SNX24: variants seen among roughly 807,000 people sequenced by gnomAD.
SNX24 encodes sorting nexin-24.
In SNX24, 22 loss-of-function variants were observed where a neutral mutation model predicts 28.7. The observed-to-expected ratio is 0.77, with a 90% CI of 0.55 to 1.10. The LOEUF (loss-of-function observed/expected upper bound fraction) is 1.10. Among genes scored for constraint, SNX24 ranks in the 50% least tolerant of loss-of-function variants. The pLI is 0.00. For synonymous variants in SNX24, 69 were observed against 71.5 expected (o/e 0.96, Z 0.18); for missense variants, 221 against 201.1 (o/e 1.10, Z -0.60).
chr5:122,905,190 G>A (rs551590729), intron 1 of SNX24, among the ~76,000 whole-genome samples: 1 of 152,162 alleles, frequency 6.6e-6, no homozygotes, highest in Non-Finnish European at 1.5e-5. Flanking sequence ...GGGTAGGTAA[G>A]GATCCTGATT....
rs1411422496 is a variant in SNX24 at position 122,879,699 on chromosome 5, T to G, written c.60+34006T>G. Among the ~76,000 whole-genome samples the G allele has an allele frequency of 2.0e-5, 3 of 152,108 alleles. No individual in the cohort carries two copies. The East Asian group carries it at 5.8e-4, about 29-fold the overall frequency. ...TGTATGTATGTATGTATGTATGTATTTAATAGAGACAGGGTCTCACTATGT... is the reference window on the plus strand; with the variant it reads ...TGTATGTATGTATGTATGTATGTATGTAATAGAGACAGGGTCTCACTATGT... On this transcript the variant is annotated intron_variant, in intron 1 of 6. Coordinates refer to ENST00000261369, the MANE Select transcript of SNX24 (RefSeq NM_014035.4).
chr5:122,996,623 C>T (rs1762061790), intron 3 of SNX24, among the ~76,000 whole-genome samples: 1 of 152,160 alleles, frequency 6.6e-6, no homozygotes, highest in African/African-American at 2.4e-5. Context: ...ATCTATCCAT[C>T]GCTGATTGTG....
chr5:122,989,748 T>A (rs752607315), intron 3 of SNX24, among the ~76,000 whole-genome samples: 2 of 152,198 alleles, frequency 1.3e-5, no homozygotes, highest in Non-Finnish European at 2.9e-5. Context: ...AAGGGTATAT[T>A]CATTCTTGTG....
chr5:122,905,455 A>G (rs1430839295), intron 1 of SNX24, among the ~76,000 whole-genome samples: 1 of 152,206 alleles, frequency 6.6e-6, no homozygotes, highest in African/African-American at 2.4e-5. Flanking sequence ...ACTTAACTGC[A>G]TCCAAAAAAT....
chr5:122,941,929 T>G (rs1170971038), intron 2 of SNX24, among the ~76,000 whole-genome samples: 4 of 152,144 alleles, frequency 2.6e-5, no homozygotes, highest in Non-Finnish European at 4.4e-5. Flanking sequence ...CTAGCCTTGT[T>G]ATGGCCCAGG....
chr5:123,014,316 G>A (rs1029945549), intron 5 of SNX24, among the ~76,000 whole-genome samples: 9 of 141,596 alleles, frequency 6.4e-5, no homozygotes. Flanking sequence ...ACAGGCACAC[G>A]CCACTGTGCC....
chr5:122,903,756 C>T lies in SNX24; in HGVS notation c.61-32978C>T, dbSNP rs185416017. Among the ~76,000 whole-genome samples, 7 of 152,272 alleles carry T rather than the reference C, an allele frequency of 4.6e-5. No homozygotes were observed. In the East Asian group the frequency reaches 1.2e-3, roughly 25 times the overall value. ...TCTGTAATTTAAAGCATAATTACTG[C>T]ATGAATCTGTTTGAGAAGGGTATGT... is the stretch of plus-strand genomic sequence containing the variant. On this transcript the variant is annotated intron_variant, in intron 1 of 6. Coordinates refer to ENST00000261369, the MANE Select transcript of SNX24 (RefSeq NM_014035.4).
chr5:123,001,866 T>C, intron 5 of SNX24, 74 bp from the exon 6 acceptor site: 1 of 1,303,548 alleles, frequency 7.7e-7, no homozygotes, highest in Non-Finnish European at 1.1e-6. Flanking sequence ...TTTGATCCCC[T>C]CAAAGCTAGT....
chr5:122,888,330 C>A (rs1027285789), intron 1 of SNX24, among the ~76,000 whole-genome samples: 2 of 152,108 alleles, frequency 1.3e-5, no homozygotes, highest in African/African-American at 4.8e-5. Context: ...GAGAGTATAG[C>A]ACAGTTAAGA....
chr5:122,854,520 A>AC (rs1379802971), intron 1 of SNX24, among the ~76,000 whole-genome samples: 5 of 130,788 alleles, frequency 3.8e-5, no homozygotes, highest in East Asian at 3.9e-4. Context: ...AAAAACAAAA[A>AC]AAAAAAACAA....
intron 3 of SNX24, among the ~76,000 whole-genome samples, chr5:122,991,240 T>C (rs898449524): frequency 6.6e-6 from 1 of 152,114 alleles, no homozygotes; most frequent in Non-Finnish European, 1.5e-5. Context: ...TTTTCCATCA[T>C]CCAGAAAATG....
chr5:122,960,537 A>T (rs1050028738), intron 3 of SNX24, among the ~76,000 whole-genome samples: 2 of 152,184 alleles, frequency 1.3e-5, no homozygotes, highest in African/African-American at 4.8e-5. Flanking sequence ...ATTTTTAAGT[A>T]CATATTTTCA....
intron 1 of SNX24, among the ~76,000 whole-genome samples, chr5:122,870,784 G>T (rs561297936): frequency 1.4e-4 from 21 of 152,324 alleles, no homozygotes; most frequent in Admixed American, 1.2e-3. Context: ...CACCACTTCA[G>T]GTGCCTGACC....
chr5:122,995,241 C>A (rs1762010986), intron 3 of SNX24, among the ~76,000 whole-genome samples: 1 of 152,182 alleles, frequency 6.6e-6, no homozygotes. Flanking sequence ...ACAGTACTTT[C>A]TTCTTCTTCC....
chr5:122,997,004 G>A (rs1418394670), intron 3 of SNX24, among the ~76,000 whole-genome samples: 4 of 152,154 alleles, frequency 2.6e-5, no homozygotes, highest in Non-Finnish European at 4.4e-5. Context: ...GTTGTAAATG[G>A]AACAGTTGTG....
At chr5:122,953,061 T>TCTTTCTTCCTTTCTTTCTTCCTTTCTTC (rs1554075537) in intron 3 of SNX24, among the ~76,000 whole-genome samples, 1 of 151,934 alleles carries the variant, frequency 6.6e-6, no homozygotes, top group African/African-American at 2.4e-5. Flanking sequence ...TTTCTTTCTT[T>TCTTTCTTCCTTTCTTTCTTCCTTTCTTC]CTTTCTTCCT....
At chr5:122,979,408 C>T (rs1358133809) in intron 3 of SNX24, among the ~76,000 whole-genome samples, 3 of 152,142 alleles carry the variant, frequency 2.0e-5, no homozygotes, top group Non-Finnish European at 4.4e-5. Flanking sequence ...CCCGGCATGC[C>T]CACTGCATTG....
At chr5:122,882,019 G>C (rs981971761) in intron 1 of SNX24, among the ~76,000 whole-genome samples, 1 of 151,264 alleles carries the variant, frequency 6.6e-6, no homozygotes, top group Admixed American at 6.6e-5. Context: ...ACTCAGGCTG[G>C]ACTGCAGCAA....
chr5:122,884,597 T>C (rs1317767016), intron 1 of SNX24, among the ~76,000 whole-genome samples: 1 of 152,186 alleles, frequency 6.6e-6, no homozygotes, highest in Non-Finnish European at 1.5e-5. Context: ...CAATAAAATC[T>C]GTACTCTATA....
Sources: gnomAD v4.1 joint callset for allele counts (sites outside exome capture counted in the v4.1 genomes callset) on GRCh38, gnomAD v4.1.1 for gene constraint, MANE v1.5 for transcripts, NCBI Gene and HGNC (gene_info 2026-07-23, HGNC 2026-07-21) for gene names.